Variants in CCSER1 observed in about 807,000 individuals in gnomAD.
The protein encoded by CCSER1 is coiled-coil serine rich protein 1.
In CCSER1, 41 loss-of-function variants were observed where a neutral mutation model predicts 82.0. The observed-to-expected ratio is 0.50, with a 90% CI of 0.39 to 0.65. CCSER1 has a LOEUF of 0.65. CCSER1 is among the 30% of genes least tolerant of loss of function. The pLI, the probability that CCSER1 is intolerant of heterozygous loss-of-function variation, is 0.00. For missense variants in CCSER1, 1,119 were observed against 1,064.2 expected, an observed-to-expected ratio of 1.05 and a Z score of -0.72; for synonymous variants, 414 against 383.9, an observed-to-expected ratio of 1.08 and a Z score of -0.92.
At chr4:91,584,473 T>G (rs1763891584) in intron 10 of CCSER1, among the ~76,000 whole-genome samples, 1 of 151,484 alleles carries the variant, frequency 6.6e-6, no homozygotes, top group Non-Finnish European at 1.5e-5. Context: ...ACCCTGATGC[T>G]GTGCAGTAGA....
intron 7 of CCSER1, among the ~76,000 whole-genome samples, chr4:90,796,477 C>G (rs562119403): frequency 6.8e-6 from 1 of 146,094 alleles, no homozygotes; most frequent in Non-Finnish European, 1.5e-5. Context: ...TTTTTCTTGT[C>G]CCCATCTCCT....
intron 10 of CCSER1, among the ~76,000 whole-genome samples, chr4:91,422,042 C>T (rs982269981): frequency 1.3e-5 from 2 of 152,170 alleles, no homozygotes; most frequent in South Asian, 2.1e-4. Flanking sequence ...TTGTTAACAA[C>T]CTGCAAGTGC....
At chr4:91,048,842 C>T (rs1018264546) in intron 9 of CCSER1, among the ~76,000 whole-genome samples, 3 of 152,170 alleles carry the variant, frequency 2.0e-5, no homozygotes, top group Admixed American at 6.5e-5. Context: ...CAAGTACACA[C>T]TGCATTACAG....
chr4:90,815,438 T>A (rs2149762472), intron 7 of CCSER1, among the ~76,000 whole-genome samples: 1 of 152,214 alleles, frequency 6.6e-6, no homozygotes, highest in Non-Finnish European at 1.5e-5. Context: ...TTTAGGAAGG[T>A]TTCCTGGTTT....
chr4:91,369,459 C>T (rs1749865054), intron 10 of CCSER1, among the ~76,000 whole-genome samples: 1 of 152,082 alleles, frequency 6.6e-6, no homozygotes, highest in South Asian at 2.1e-4. Context: ...TTCTTGTTAT[C>T]TTTGTCTCCA....
intron 10 of CCSER1, among the ~76,000 whole-genome samples, chr4:91,536,657 A>AG (rs1434112988): frequency 6.6e-6 from 1 of 152,112 alleles, no homozygotes; most frequent in Non-Finnish European, 1.5e-5. Context: ...TTCCGTGACC[A>AG]AAGGTCTCAG....
At chr4:90,624,400 G>GA (rs1403887746) in intron 5 of CCSER1, among the ~76,000 whole-genome samples, 32 of 137,574 alleles carry the variant, frequency 2.3e-4, no homozygotes, top group Admixed American at 2.3e-3. Flanking sequence ...ATAGCTAAGT[G>GA]AGAAAAAAAA....
intron 10 of CCSER1, among the ~76,000 whole-genome samples, chr4:91,301,544 A>G (rs1471177520): frequency 6.7e-6 from 1 of 149,912 alleles, no homozygotes; most frequent in Non-Finnish European, 1.5e-5. Context: ...AATATAGTAT[A>G]TATATATATA....
intron 4 of CCSER1, among the ~76,000 whole-genome samples, chr4:90,428,665 A>G (rs561710373): frequency 1.3e-5 from 2 of 151,892 alleles, no homozygotes; most frequent in South Asian, 4.1e-4. Context: ...AGGAGAAGGA[A>G]GAGAAGGGAT....
intron 7 of CCSER1, among the ~76,000 whole-genome samples, chr4:90,782,689 T>TTTC (rs1753949818): frequency 9.1e-6 from 1 of 110,064 alleles, no homozygotes; most frequent in Non-Finnish European, 2.2e-5. Context: ...TTCTTTCTTT[T>TTTC]TTTTTTTTTT....
At chr4:90,186,912 C>CATCT (rs1734720702) in intron 1 of CCSER1, among the ~76,000 whole-genome samples, 2 of 151,898 alleles carry the variant, frequency 1.3e-5, no homozygotes, top group African/African-American at 4.8e-5. Context: ...ACAAGTTGAG[C>CATCT]ATCTACCCTT....
intron 9 of CCSER1, among the ~76,000 whole-genome samples, chr4:90,972,040 C>T (rs554597868): frequency 1.3e-5 from 2 of 151,774 alleles, no homozygotes; most frequent in Non-Finnish European, 2.9e-5. Context: ...AAACATTAAA[C>T]AGTGAAAAGC....
chr4:91,257,567 C>T (rs545740341), intron 10 of CCSER1, among the ~76,000 whole-genome samples: 4 of 150,972 alleles, frequency 2.6e-5, no homozygotes, highest in East Asian at 1.9e-4. Context: ...TATTCCAAAG[C>T]GTTTAAATGG....
intron 6 of CCSER1, among the ~76,000 whole-genome samples, chr4:90,630,772 A>G (rs1724221944): frequency 6.6e-6 from 1 of 151,660 alleles, no homozygotes; most frequent in Non-Finnish European, 1.5e-5. Context: ...TTTAATATCA[A>G]TATTCATTTA....
At chr4:91,489,050 G>A (rs1254562257) in intron 10 of CCSER1, among the ~76,000 whole-genome samples, 4 of 152,272 alleles carry the variant, frequency 2.6e-5, no homozygotes, top group Non-Finnish European at 5.9e-5. Context: ...TTTACATAGC[G>A]AGTCCTAGAA....
chr4:90,351,602 A>C (rs7695023), intron 3 of CCSER1, among the ~76,000 whole-genome samples: 149,120 of 152,124 alleles, frequency 0.98, 73,101 homozygotes, highest in East Asian at 1. Flanking sequence ...GTTCAACAAT[A>C]GTGTAAAAAA....
rs1163197113 is a variant in CCSER1, at chr4:91,496,780, TATATA to T, written c.2218-101791_2218-101787del. ...ATATATATATTCAATATATATTGAATATATATTGAATATATATTTGAATATATATA... is the reference window on the plus strand; with the variant it reads ...ATATATATATTCAATATATATTGAATTTGAATATATATTTGAATATATATA... On this transcript the variant is annotated intron_variant, in intron 10 of 10. Transcript: ENST00000509176. Among the ~76,000 whole-genome samples, 4 of 93,184 alleles carry T rather than the reference TATATA, an allele frequency of 4.3e-5. 1 individual carries two copies. The highest frequency in any genetic ancestry group is 1.4e-4 in the African/African-American group (4 of 27,992). The allele number at this position is 93,184 out of a possible 152,430, so 61.1% of individuals were successfully genotyped here. A position where few individuals can be genotyped will look rare whatever the true frequency, so the allele number is the denominator to read the frequency against.
At chr4:90,549,597 A>G (rs1019862825) in intron 5 of CCSER1, among the ~76,000 whole-genome samples, 1 of 152,188 alleles carries the variant, frequency 6.6e-6, no homozygotes, top group Non-Finnish European at 1.5e-5. Context: ...GCGTATATAG[A>G]ACACATTTGG....
intron 10 of CCSER1, among the ~76,000 whole-genome samples, chr4:91,477,276 C>T (rs903083719): frequency 2.0e-5 from 3 of 151,616 alleles, no homozygotes; most frequent in Admixed American, 6.6e-5. Flanking sequence ...AGACAATTCT[C>T]AAAAGAAGAC....
Sources: allele counts gnomAD v4.1 joint callset (sites outside exome capture counted in the v4.1 genomes callset), GRCh38; gene constraint gnomAD v4.1.1; transcripts MANE v1.5; gene names NCBI Gene and HGNC (gene_info 2026-07-23, HGNC 2026-07-21).